The following XYLT2 variants were observed in gnomAD, a reference collection of about 807,000 sequenced individuals.
XYLT2 encodes UDP-D-xylose:proteoglycan core protein beta-D-xylosyltransferase.
Under a neutral mutation model 82.6 loss-of-function variants are expected in XYLT2, and 37 were observed. The ratio of observed to expected loss-of-function variants is 0.45; its 90% confidence interval spans 0.34 to 0.59. XYLT2 has a LOEUF of 0.59. XYLT2 is among the 20% of genes least tolerant of loss of function. The pLI, the probability that XYLT2 is intolerant of heterozygous loss-of-function variation, is 0.01. For synonymous variants in XYLT2, 474 were observed against 499.0 expected, an observed-to-expected ratio of 0.95 and a Z score of 0.67; for missense variants, 934 against 1,181.3, an observed-to-expected ratio of 0.79 and a Z score of 3.07.
At position 50,361,039 on chromosome 17, in the gene XYLT2, A is replaced by G. The variant is rs1912786859; in HGVS notation, c.*748A>G. ...GCACTGGAAGTGAGGTCACATGAGCAGCGTGGGAAGAAGACTCTGTCAAGA... is the reference window on the plus strand; with the variant it reads ...GCACTGGAAGTGAGGTCACATGAGCGGCGTGGGAAGAAGACTCTGTCAAGA... On this transcript the variant is annotated 3_prime_UTR_variant, in exon 11 of 11. Transcript: ENST00000017003. 2 of 985,840 alleles carry G rather than the reference A, an allele frequency of 2.0e-6. No individual in the cohort carries two copies. Among genetic ancestry groups the G allele is most frequent in the Admixed American group, 1.2e-4 (2 of 16,266 alleles). The allele number at this position is 985,840 out of a possible 1,614,324, so 61.1% of individuals were successfully genotyped here.
chr17:50,348,722 C>CA (rs1912138598), intron 1 of XYLT2, among the ~76,000 whole-genome samples: 2 of 152,182 alleles, frequency 1.3e-5, no homozygotes, highest in Non-Finnish European at 2.9e-5. Flanking sequence ...TTCTGTGACT[C>CA]AGAGAAGGAT....
At chr17:50,347,015 C>CTCTG in intron 1 of XYLT2, 1 of 869,394 alleles carries the variant, frequency 1.2e-6, no homozygotes, top group Non-Finnish European at 1.4e-6. Flanking sequence ...AGAGCCCCAG[C>CTCTG]CGCAGAGCAG....
At chr17:50,358,668 G>A (rs2045556700) in intron 10 of XYLT2, 128 bp downstream of exon 10, 3 of 1,004,294 alleles carry the variant, frequency 3.0e-6, no homozygotes, top group African/African-American at 3.3e-5. Context: ...TGGAAGGGCT[G>A]GGGCCTTCAT....
chr17:50,349,108 C>T lies in XYLT2; in HGVS notation c.135+2833C>T, dbSNP rs149287266. On this transcript the variant is annotated intron_variant, in intron 1 of 10. Transcript: ENST00000017003. ...CCAACATGCCCATCTCCTCCCACAT[C>T]CTGGCCCCCACCACAGCCAACCTGG... Among the ~76,000 whole-genome samples, 928 of 152,316 alleles carry T rather than the reference C, an allele frequency of 6.1e-3. 7 individuals carry two copies. The highest frequency in any genetic ancestry group is 0.026 in the South Asian group (124 of 4,828).
In XYLT2 at chr17:50,355,649, C is replaced by T. The variant is rs113902883; in HGVS notation, c.1088+68C>T. On this transcript the variant is annotated intron_variant, in intron 5 of 10. Transcript: ENST00000017003. Reference sequence around the variant, plus strand: ...CCAACCCCTCCCACACAGTTGGGCTCGGTGGCTCCAGCCCTGGGTTTCAAA... The same window carrying T: ...CCAACCCCTCCCACACAGTTGGGCTTGGTGGCTCCAGCCCTGGGTTTCAAA... 94 of 1,593,254 alleles carry T rather than the reference C, an allele frequency of 5.9e-5. 2 individuals carry two copies. The highest frequency in any genetic ancestry group is 3.9e-4 in the African/African-American group (29 of 74,620).
rs997803744 is a variant in XYLT2, at chr17:50,361,127, G to A, written c.*836G>A. Reference sequence around the variant, plus strand: ...AGCGTGAAGTCTGAAATATGCAACAGAAGAAATATATCTCTATCTCTCTAC... The same window carrying A: ...AGCGTGAAGTCTGAAATATGCAACAAAAGAAATATATCTCTATCTCTCTAC... On this transcript the variant is annotated 3_prime_UTR_variant, in exon 11 of 11. Transcript: ENST00000017003. 1 of 985,796 alleles carries A rather than the reference G, an allele frequency of 1.0e-6. No homozygotes were observed. Among genetic ancestry groups the A allele is most frequent in the Non-Finnish European group, 1.2e-6 (1 of 829,940 alleles). 61.1% of individuals were successfully genotyped at this position (985,796 alleles called of 1,614,324 possible).
intron 1 of XYLT2, among the ~76,000 whole-genome samples, chr17:50,347,154 GGTT>G (rs1912077939): frequency 6.6e-6 from 1 of 152,192 alleles, no homozygotes; most frequent in African/African-American, 2.4e-5. Context: ...ATTGGGTCTG[GGTT>G]CGTGCTGCGG....
rs1912039259 is a variant in XYLT2 at position 50,346,364 on chromosome 17, G to C, written c.135+89G>C. On this transcript the variant is annotated intron_variant, in intron 1 of 10. Transcript: ENST00000017003. The surrounding 1 kb of genome is among the most constrained non-coding windows in gnomAD (Gnocchi z 5.1). ...TGCGGGCGGCCCCAGCCGGGGAAGT[G>C]GGGCACGGGCCGCGTGCGTGCGTGC... The C allele has an allele frequency of 4.0e-6, 4 of 989,396 alleles. No homozygotes were observed. Among genetic ancestry groups the C allele is most frequent in the Non-Finnish European group, 4.8e-6 (4 of 832,734 alleles). The allele number at this position is 989,396 out of a possible 1,614,324, so 61.3% of individuals were successfully genotyped here. A position where few individuals can be genotyped will look rare whatever the true frequency, so the allele number is the denominator to read the frequency against.
chr17:50,354,864 A>G lies in XYLT2; in HGVS notation c.815A>G (p.Tyr272Cys). ...FYIHVDKRSD[Y>C]LHREVVELAQ... is the part of the protein sequence containing the mutation. The stretch of plus-strand genomic sequence containing the variant: ...TCTCCTCCCCACCAGCGTTCCGACT[A>G]CCTGCACCGGGAGGTGGTGGAGCTG... The change falls in exon 4 of 11, where the codon TAC becomes TGC. Residue 272 changes from tyrosine (Y) to cysteine (C), a missense_variant. Tyr to Cys is a radical substitution (Grantham distance 194). Around this residue, in one of 3 missense-constraint regions of XYLT2, gnomAD observed 371 missense variants for 394.9 expected, o/e 0.94. Coordinates refer to ENST00000017003, the MANE Select transcript of XYLT2 (RefSeq NM_022167.4). 6.2e-7 allele frequency: 1 copy of G among 1,613,524 alleles called. No homozygotes were observed.
At chr17:50,350,763 A>AG (rs1295871232) in intron 1 of XYLT2, among the ~76,000 whole-genome samples, 1 of 151,820 alleles carries the variant, frequency 6.6e-6, no homozygotes, top group African/African-American at 2.4e-5. Flanking sequence ...AAAGCAGAGG[A>AG]GGAGGGAGGG....
rs1398518070 is a variant in XYLT2, at chr17:50,360,262, C to A, written c.2569C>A (p.Pro857Thr). The A allele has an allele frequency of 6.2e-7, 1 of 1,604,928 alleles. No homozygotes were observed. The highest frequency in any genetic ancestry group is 1.1e-5 in the South Asian group (1 of 90,556). ...CCCCGACCCCAAATCAGAGCTGGGG[C>A]CTGTCAAAGCAGACGGGCGACTCAG... ...LSPDPKSELG[P>T]VKADGRLR is the part of the protein sequence containing the mutation. The change falls in exon 11 of 11, where the codon CCT (proline) becomes ACT (threonine). Residue 857 changes from proline to threonine, a missense_variant. This residue lies in a region of XYLT2 where 374 missense variants were observed against 465.6 expected (regional missense o/e 0.80). Transcript: ENST00000017003.
In XYLT2 at chr17:50,360,331, G is replaced by A. The variant is rs765511309; in HGVS notation, c.*40G>A. The A allele has an allele frequency of 1.3e-6, 2 of 1,520,340 alleles. No homozygotes were observed. The highest frequency in any genetic ancestry group is 1.3e-5 in the South Asian group (1 of 76,500). The allele number at this position is 1,520,340 out of a possible 1,614,324, so 94.2% of individuals were successfully genotyped here. The stretch of plus-strand genomic sequence containing the variant: ...GTACCCGTGGAGGACCCGGGAAATT[G>A]CACCTTACAGACAGTGGAGGGGTGT... On this transcript the variant is annotated 3_prime_UTR_variant, in exon 11 of 11. Coordinates refer to ENST00000017003, the MANE Select transcript of XYLT2 (RefSeq NM_022167.4).
At position 50,346,286 on chromosome 17, in the gene XYLT2, G is replaced by T; in HGVS notation, c.135+11G>T. The T allele has an allele frequency of 1.8e-6, 2 of 1,092,308 alleles. No homozygotes were observed. The highest frequency in any genetic ancestry group is 1.1e-6 in the Non-Finnish European group (1 of 892,810). 67.7% of individuals were successfully genotyped at this position (1,092,308 alleles called of 1,614,324 possible). A position where few individuals can be genotyped will look rare whatever the true frequency, so the allele number is the denominator to read the frequency against. ...GACGAGGCGGGCGAGGTGCTCCGAC[G>T]GCCGGGCGGGCGGGCAGGCCGGGCG... On this transcript the variant is annotated intron_variant, in intron 1 of 10. Transcript: ENST00000017003. The surrounding 1 kb of genome is among the most constrained non-coding windows in gnomAD (Gnocchi z 5.1).
At position 50,346,615 on chromosome 17, in the gene XYLT2, C is replaced by T. The variant is rs1912054227; in HGVS notation, c.135+340C>T. ...CTGGGAGGCGGGGCTGGGCCCGAAC[C>T]TGCTCGGAGGTGGGGAGCCCCAGGC... On this transcript the variant is annotated intron_variant, in intron 1 of 10. Coordinates refer to ENST00000017003, the MANE Select transcript of XYLT2 (RefSeq NM_022167.4). The surrounding 1 kb of genome is among the most constrained non-coding windows in gnomAD (Gnocchi z 5.1). 1.0e-6 allele frequency: 1 copy of T among 985,232 alleles called. No individual in the cohort carries two copies. The highest frequency in any genetic ancestry group is 1.2e-6 in the Non-Finnish European group (1 of 829,764). 61.0% of individuals were successfully genotyped at this position (985,232 alleles called of 1,614,324 possible).
intron 9 of XYLT2, 75 bp from the exon 10 acceptor site, chr17:50,358,132 C>T (rs1326165744): frequency 1.5e-6 from 2 of 1,344,132 alleles, no homozygotes; most frequent in Admixed American, 2.6e-5. Context: ...TGAGATTACA[C>T]AGTGAGAGGC....
Position 50,356,198 on chromosome 17 carries a change from C to T in XYLT2, c.1419C>T (p.His473=). 5 of 1,614,254 alleles carry T rather than the reference C, an allele frequency of 3.1e-6. No homozygotes were observed. The highest frequency in any genetic ancestry group is 4.2e-6 in the Non-Finnish European group (5 of 1,180,036). ...TGGGCTGCAAGTGCCAGTACAAGCA[C>T]ATTGTGGACTGGTGTGGCTGCTCCC... is the stretch of plus-strand genomic sequence containing the variant. ...RKLGCKCQYK[H]IVDWCGCSPN... The change falls in exon 7 of 11, where the codon CAC becomes CAT. Residue 473 remains histidine, a synonymous_variant. Coordinates refer to ENST00000017003, the MANE Select transcript of XYLT2 (RefSeq NM_022167.4).
At position 50,360,571 on chromosome 17, in the gene XYLT2, CTTTTTTTTTTTTT is replaced by C. The variant is rs386386236; in HGVS notation, c.*287_*299del. On this transcript the variant is annotated 3_prime_UTR_variant, in exon 11 of 11. Coordinates refer to ENST00000017003, the MANE Select transcript of XYLT2 (RefSeq NM_022167.4). ...TGTCTAGTTTGAATTTCTTTTTTTT[CTTTTTTTTTTTTT>C]TTTTTTAATTTAAAAAGGAAAATGG... The C allele has an allele frequency of 1.0e-5, 10 of 976,916 alleles. No homozygotes were observed. The highest frequency in any genetic ancestry group is 1.2e-5 in the Non-Finnish European group (10 of 824,510). 60.5% of individuals were successfully genotyped at this position (976,916 alleles called of 1,614,324 possible).
chr17:50,358,535 G>A lies in XYLT2; in HGVS notation c.2270G>A (p.Arg757Lys), dbSNP rs1567808676. ...ACCTTCAACCGCAAACTACCTCTCA[G>A]GAAAGGTAAGCGTGCAGTTCTCAAA... Reference protein sequence around the residue: ...PLTFNRKLPLRKDDASWLHAG... With the variant: ...PLTFNRKLPLKKDDASWLHAG... The change falls in exon 10 of 11, where the codon AGG becomes AAG. Residue 757 changes from arginine (R) to lysine (K), a missense_variant. Around this residue, in one of 3 missense-constraint regions of XYLT2, gnomAD observed 374 missense variants for 465.6 expected, o/e 0.80. Coordinates refer to ENST00000017003, the MANE Select transcript of XYLT2 (RefSeq NM_022167.4). The A allele has an allele frequency of 6.2e-7, 1 of 1,611,312 alleles. No individual in the cohort carries two copies. The highest frequency in any genetic ancestry group is 2.2e-5 in the East Asian group (1 of 44,812).
At position 50,360,877 on chromosome 17, in the gene XYLT2, TAGC is replaced by T; in HGVS notation, c.*589_*591del. The T allele has an allele frequency of 1.0e-6, 1 of 985,946 alleles. No individual in the cohort carries two copies. Among genetic ancestry groups the T allele is most frequent in the Non-Finnish European group, 1.2e-6 (1 of 829,986 alleles). The allele number at this position is 985,946 out of a possible 1,614,324, so 61.1% of individuals were successfully genotyped here. A position where few individuals can be genotyped will look rare whatever the true frequency, so the allele number is the denominator to read the frequency against. ...TCGGGGGCGCTGCAGAGCTGGGCTC[TAGC>T]AGGACAGTTCTTTTGTAGCCAGGGG... On this transcript the variant is annotated 3_prime_UTR_variant, in exon 11 of 11. Coordinates refer to ENST00000017003, the MANE Select transcript of XYLT2 (RefSeq NM_022167.4).
Sources: allele counts gnomAD v4.1 joint callset (sites outside exome capture counted in the v4.1 genomes callset), GRCh38; gene constraint gnomAD v4.1.1; regional missense constraint gnomAD v4.1.1; non-coding constraint Gnocchi (gnomAD v3.1); transcripts MANE v1.5; gene names NCBI Gene and HGNC (gene_info 2026-07-23, HGNC 2026-07-21).